Variants in SMARCC1 observed in about 807,000 individuals in gnomAD.
SMARCC1 encodes SWI/SNF complex subunit SMARCC1.
Under a neutral mutation model 147.4 loss-of-function variants are expected in SMARCC1, and 43 were observed. The ratio of observed to expected loss-of-function variants is 0.29; its 90% CI spans 0.23 to 0.38. The LOEUF is 0.38. SMARCC1 is among the 10% of genes least tolerant of loss of function. SMARCC1 has a pLI of 1.00. For synonymous variants in SMARCC1, 495 were observed against 484.4 expected (o/e 1.02, Z -0.29); for missense variants, 1,119 against 1,381.1 (o/e 0.81, Z 3.01).
intron 26 of SMARCC1, among the ~76,000 whole-genome samples, chr3:47,608,508 C>T (rs34616865): frequency 0.58 from 87,725 of 151,834 alleles, 26,608 homozygotes; most frequent in Non-Finnish European, 0.68. Context: ...ATCTTAATTA[C>T]CACAAAAAGA....
rs80043402 is a variant in SMARCC1 at position 47,596,035 on chromosome 3, G to GT, written c.3044-5199dup. 4.8e-3 allele frequency among the ~76,000 whole-genome samples: 697 copies of GT among 144,158 alleles called. 5 individuals are homozygous for GT. The highest frequency in any genetic ancestry group is 0.013 in the African/African-American group (532 of 39,750). The allele number at this position is 144,158 out of a possible 152,430, so 94.6% of individuals were successfully genotyped here. On this transcript the variant is annotated intron_variant, in intron 26 of 27. Coordinates refer to ENST00000254480, the MANE Select transcript of SMARCC1 (RefSeq NM_003074.4). ...GGTGTGAGCTACCAAACCCGGCCAG[G>GT]TTTTTTTTTTTTCTTTCCCAAAAAC... is the stretch of plus-strand genomic sequence containing the variant.
chr3:47,758,691 G>A (rs1335145692), intron 2 of SMARCC1, among the ~76,000 whole-genome samples: 2 of 152,042 alleles, frequency 1.3e-5, no homozygotes, highest in East Asian at 1.9e-4. Context: ...TTACTATCTA[G>A]AATATTTACT....
chr3:47,750,147 T>A (rs1383520756), intron 2 of SMARCC1, among the ~76,000 whole-genome samples: 1 of 150,378 alleles, frequency 6.6e-6, no homozygotes. Context: ...TAAAATAGAC[T>A]AATGTAGGCT....
chr3:47,623,156 T>A (rs1314728249), intron 24 of SMARCC1, among the ~76,000 whole-genome samples: 11 of 139,596 alleles, frequency 7.9e-5, no homozygotes, highest in Non-Finnish European at 1.2e-4. Flanking sequence ...TTTTTTTTTT[T>A]AAAGAAGCAG....
intron 24 of SMARCC1, among the ~76,000 whole-genome samples, chr3:47,628,487 G>A (rs748906415): frequency 6.6e-6 from 1 of 152,174 alleles, no homozygotes; most frequent in Admixed American, 6.5e-5. Flanking sequence ...AAAATTGGGG[G>A]CTTTGTTCTC....
chr3:47,725,712 A>G (rs1490475522), intron 6 of SMARCC1, among the ~76,000 whole-genome samples: 2 of 150,610 alleles, frequency 1.3e-5, no homozygotes, highest in African/African-American at 2.4e-5. Flanking sequence ...TCAGCATCCC[A>G]AAGTGCTGGG....
At chr3:47,635,465 C>A in intron 23 of SMARCC1, 121 bp from the exon 24 acceptor site, 1 of 886,256 alleles carries the variant, frequency 1.1e-6, no homozygotes, top group East Asian at 2.5e-5. Flanking sequence ...ATGCCTTTTT[C>A]TTCTTTTTAA....
chr3:47,745,847 A>T (rs889820085), intron 3 of SMARCC1, 61 bp downstream of exon 3: 100 of 996,926 alleles, frequency 1.0e-4, no homozygotes, highest in Non-Finnish European at 1.5e-4. Context: ...TAACACAAGG[A>T]AACAGGACTT....
intron 21 of SMARCC1, among the ~76,000 whole-genome samples, chr3:47,650,860 T>C (rs1375003075): frequency 2.0e-5 from 3 of 152,158 alleles, no homozygotes; most frequent in Non-Finnish European, 4.4e-5. Context: ...ATAAAATCTT[T>C]ATAGAGCTTT....
chr3:47,638,660 C>CA, intron 22 of SMARCC1, 65 bp downstream of exon 22: 1 of 1,265,814 alleles, frequency 7.9e-7, no homozygotes, highest in Non-Finnish European at 1.2e-6. Flanking sequence ...CAAAAACACC[C>CA]AAAAAACAAA....
Position 47,686,066 on chromosome 3 carries a change from T to C in SMARCC1, c.1368A>G (p.Ser456=), listed in dbSNP as rs759533135. The C allele has an allele frequency of 2.5e-6, 4 of 1,613,172 alleles. No individual in the cohort carries two copies. The highest frequency in any genetic ancestry group is 2.5e-6 in the Non-Finnish European group (3 of 1,179,270). ...TNHIIIPSYA[S]WFDYNCIHVI... ...CCACTCACCAGTTATAATCAAACCA[T>C]GATGCATAACTAGGAATAATAATGT... The change falls in exon 14 of 28, where the codon TCA becomes TCG. Residue 456 remains serine (S), a synonymous_variant. Transcript: ENST00000254480.
chr3:47,744,983 T>C (rs972935406), intron 3 of SMARCC1, among the ~76,000 whole-genome samples: 1 of 152,156 alleles, frequency 6.6e-6, no homozygotes, highest in Non-Finnish European at 1.5e-5. Flanking sequence ...AAAACTGCTA[T>C]CTGGCCAGGC....
At chr3:47,711,438 A>T (rs1361129102) in intron 8 of SMARCC1, among the ~76,000 whole-genome samples, 1 of 152,202 alleles carries the variant, frequency 6.6e-6, no homozygotes, top group Non-Finnish European at 1.5e-5. Context: ...ATAACATTCC[A>T]TATTATCCAA....
chr3:47,689,411 T>A lies in SMARCC1; in HGVS notation c.1239A>T (p.Glu413Asp). 1 of 1,613,478 alleles carries A rather than the reference T, an allele frequency of 6.2e-7. No individual in the cohort carries two copies. The highest frequency in any genetic ancestry group is 8.5e-7 in the Non-Finnish European group (1 of 1,179,422). Residue 413 changes from glutamate to aspartate, a missense_variant, in exon 13 of 28, where the codon GAA becomes GAT. Around this residue, in one of 6 missense-constraint regions of SMARCC1, gnomAD observed 542 missense variants for 611.8 expected, o/e 0.89. Transcript: ENST00000254480. ...GTVADLDEQD[E>D]ETVTAGGKED... is the part of the protein sequence containing the mutation. Reference sequence around the variant, plus strand: ...CCTTTCCTCCTGCTGTGACTGTTTCTTCATCCTGCTCATCTGCAAAACCAA... The same window carrying A: ...CCTTTCCTCCTGCTGTGACTGTTTCATCATCCTGCTCATCTGCAAAACCAA...
At chr3:47,717,513 ACAACTAT>A (rs1301746060) in intron 7 of SMARCC1, among the ~76,000 whole-genome samples, 1 of 152,200 alleles carries the variant, frequency 6.6e-6, no homozygotes, top group African/African-American at 2.4e-5. Flanking sequence ...TCTAATTCAA[ACAACTAT>A]CAATCAATCA....
intron 4 of SMARCC1, among the ~76,000 whole-genome samples, chr3:47,737,548 A>AT (rs1481952133): frequency 6.6e-6 from 1 of 152,168 alleles, no homozygotes; most frequent in East Asian, 1.9e-4. Flanking sequence ...CCAAACACCC[A>AT]TAAAAATAAT....
At chr3:47,606,304 C>T (rs990913287) in intron 26 of SMARCC1, among the ~76,000 whole-genome samples, 1 of 152,184 alleles carries the variant, frequency 6.6e-6, no homozygotes, top group Non-Finnish European at 1.5e-5. Context: ...CTTAGTCTTC[C>T]GTCACGGGAG....
At chr3:47,617,522 T>C (rs763247309) in intron 25 of SMARCC1, among the ~76,000 whole-genome samples, 3 of 152,234 alleles carry the variant, frequency 2.0e-5, no homozygotes, top group African/African-American at 4.8e-5. Context: ...AGGCATATAT[T>C]TACCAAACAC....
At chr3:47,707,305 C>T (rs2106794164) in intron 9 of SMARCC1, among the ~76,000 whole-genome samples, 1 of 150,096 alleles carries the variant, frequency 6.7e-6, no homozygotes, top group East Asian at 1.9e-4. Context: ...GAGTAAGACT[C>T]CGTCTCAAAG....
Sources: allele counts gnomAD v4.1 joint callset (sites outside exome capture counted in the v4.1 genomes callset), GRCh38; gene constraint gnomAD v4.1.1; regional missense constraint gnomAD v4.1.1; transcripts MANE v1.5; gene names NCBI Gene and HGNC (gene_info 2026-07-23, HGNC 2026-07-21).